GOLGA4: variants seen among roughly 807,000 people sequenced by gnomAD.
GOLGA4 encodes the protein golgin subfamily A member 4.
In GOLGA4, 169 loss-of-function variants were observed where a neutral mutation model predicts 265.9. The ratio of observed to expected loss-of-function variants is 0.64; its 90% CI spans 0.56 to 0.72. The LOEUF is 0.72. Ranked by LOEUF, GOLGA4 falls within the 30% of genes least tolerant of loss-of-function variation. The pLI is 0.00. For missense variants in GOLGA4, 2,482 were observed against 2,483.4 expected (o/e 1.00, Z 0.01); for synonymous variants, 923 against 855.8 (o/e 1.08, Z -1.37).
Position 37,299,338 on chromosome 3 carries a change from A to G in GOLGA4, c.1053A>G (p.Ala351=). Residue 351 remains alanine (A), a synonymous_variant, in exon 9 of 24, where the codon GCA becomes GCG. Coordinates refer to ENST00000361924, the MANE Select transcript of GOLGA4 (RefSeq NM_002078.5). ...KTKLITQLRD[A]KNLIEQLEQD... ...AACTTATCACTCAGTTGCGTGATGCAAAGAACTTAATTGAACAGCTTGAAC... is the reference window on the plus strand; with the variant it reads ...AACTTATCACTCAGTTGCGTGATGCGAAGAACTTAATTGAACAGCTTGAAC... The G allele has an allele frequency of 6.2e-7, 1 of 1,613,386 alleles. No individual in the cohort carries two copies. The highest frequency in any genetic ancestry group is 2.2e-5 in the East Asian group (1 of 44,850).
intron 1 of GOLGA4, chr3:37,250,669 G>A (rs2096731291): frequency 6.6e-6 from 1 of 152,074 alleles, no homozygotes; most frequent in South Asian, 2.1e-4. Context: ...ATTTTGCTGT[G>A]GGTGTAGGGG....
At chr3:37,294,307 A>G (rs2096872600) in intron 5 of GOLGA4, among the ~76,000 whole-genome samples, 1 of 152,152 alleles carries the variant, frequency 6.6e-6, no homozygotes, top group African/African-American at 2.4e-5. Flanking sequence ...GTATATAATA[A>G]TTTGGTGTTA....
At chr3:37,332,763 T>G (rs1422057932) in intron 16 of GOLGA4, among the ~76,000 whole-genome samples, 5 of 152,148 alleles carry the variant, frequency 3.3e-5, no homozygotes, top group African/African-American at 1.2e-4. Flanking sequence ...AAAAATGAAA[T>G]ATATTCTTAT....
intron 23 of GOLGA4, among the ~76,000 whole-genome samples, chr3:37,362,237 A>T (rs1336983790): frequency 1.4e-3 from 74 of 54,418 alleles, no homozygotes; most frequent in African/African-American, 3.5e-3. Context: ...TTATTTATTT[A>T]TTATTTTTTT....
Position 37,337,140 on chromosome 3 carries a change from C to T in GOLGA4, c.6307-3C>T. Reference sequence around the variant, plus strand: ...CTCATGTTTTTTCTTTCCATTTTTTCAGGTAACAATTATGGAGCTACAGGT... The same window carrying T: ...CTCATGTTTTTTCTTTCCATTTTTTTAGGTAACAATTATGGAGCTACAGGT... On this transcript the variant is annotated splice_polypyrimidine_tract_variant and splice_region_variant and intron_variant, in intron 17 of 23. Transcript: ENST00000361924. 1 of 1,440,696 alleles carries T rather than the reference C, an allele frequency of 6.9e-7. No individual in the cohort carries two copies. The highest frequency in any genetic ancestry group is 1.2e-5 in the South Asian group (1 of 84,416). 89.2% of individuals were successfully genotyped at this position (1,440,696 alleles called of 1,614,324 possible). A position where few individuals can be genotyped will look rare whatever the true frequency, so the allele number is the denominator to read the frequency against.
chr3:37,254,735 T>G (rs2096743701), intron 2 of GOLGA4, among the ~76,000 whole-genome samples: 1 of 151,352 alleles, frequency 6.6e-6, no homozygotes, highest in Non-Finnish European at 1.5e-5. Flanking sequence ...ATCTCTTGAC[T>G]TCGCGATCTG....
intron 16 of GOLGA4, among the ~76,000 whole-genome samples, chr3:37,331,950 G>A (rs569634482): frequency 4.7e-4 from 72 of 152,108 alleles, no homozygotes; most frequent in South Asian, 6.2e-4. Context: ...CATGTTGCTT[G>A]TTCCTCTCCT....
chr3:37,317,236 C>G (rs1473907420), intron 11 of GOLGA4, among the ~76,000 whole-genome samples: 2 of 152,074 alleles, frequency 1.3e-5, no homozygotes, highest in Non-Finnish European at 2.9e-5. Flanking sequence ...ATCTTGTGAT[C>G]TCGGTTCACT....
At chr3:37,251,907 C>G (rs2096735000) in intron 2 of GOLGA4, among the ~76,000 whole-genome samples, 2 of 152,152 alleles carry the variant, frequency 1.3e-5, no homozygotes, top group South Asian at 4.1e-4. Flanking sequence ...GTCTTGAACT[C>G]CTGGGCTCAA....
intron 16 of GOLGA4, among the ~76,000 whole-genome samples, chr3:37,332,550 A>G (rs1578749462): frequency 6.6e-6 from 1 of 152,194 alleles, no homozygotes; most frequent in African/African-American, 2.4e-5. Context: ...TTTTAAATTT[A>G]ATTTTTATTT....
chr3:37,334,890 A>AG (rs767581817), intron 16 of GOLGA4, among the ~76,000 whole-genome samples, 163 bp from the exon 17 acceptor site: 4 of 152,324 alleles, frequency 2.6e-5, no homozygotes, highest in Non-Finnish European at 5.9e-5. Context: ...ATGAATTAAA[A>AG]TAAAAACAGT....
Position 37,325,378 on chromosome 3 carries a change from A to G in GOLGA4, c.3492A>G (p.Ala1164=). The G allele has an allele frequency of 1.2e-6, 2 of 1,613,132 alleles. No homozygotes were observed. Among genetic ancestry groups the G allele is most frequent in the South Asian group, 1.1e-5 (1 of 90,808 alleles). The change falls in exon 14 of 24, where the codon GCA becomes GCG. Residue 1164 remains alanine, a synonymous_variant. Coordinates refer to ENST00000361924, the MANE Select transcript of GOLGA4 (RefSeq NM_002078.5). ...AGCTAGTTGAACTGAAGATGCTGGC[A>G]GAAGAAGATAAGCGGAAGGTTTCTG... ...QEQLVELKML[A]EEDKRKVSEL...
intron 12 of GOLGA4, chr3:37,320,052 A>G (rs1427580470): frequency 6.6e-6 from 1 of 151,354 alleles, no homozygotes; most frequent in Non-Finnish European, 1.5e-5. Context: ...AGTAATTTTT[A>G]TTTTAAGTGG....
chr3:37,252,019 T>G (rs976808972), intron 2 of GOLGA4, among the ~76,000 whole-genome samples: 4 of 152,252 alleles, frequency 2.6e-5, no homozygotes, highest in Admixed American at 2.6e-4. Context: ...CAGAATAATT[T>G]GATAAATTTG....
At chr3:37,328,871 T>A in intron 15 of GOLGA4, 92 bp from the exon 16 acceptor site, 1 of 1,035,498 alleles carries the variant, frequency 9.7e-7, no homozygotes, top group Non-Finnish European at 1.4e-6. Context: ...TCATCAAAAT[T>A]AATTGGAATG....
At chr3:37,320,636 A>G (rs959665958) in intron 12 of GOLGA4, among the ~76,000 whole-genome samples, 3 of 152,254 alleles carry the variant, frequency 2.0e-5, no homozygotes, top group Admixed American at 2.0e-4. Context: ...ACAGTACAAC[A>G]TAAATTAAAA....
intron 11 of GOLGA4, among the ~76,000 whole-genome samples, chr3:37,315,801 C>T (rs2150929644): frequency 6.6e-6 from 1 of 152,324 alleles, no homozygotes. Flanking sequence ...TTTGCTTTCT[C>T]TCCAGTGGAC....
At chr3:37,323,116 C>CTTTTTTTT (rs567838649) in intron 13 of GOLGA4, among the ~76,000 whole-genome samples, 16 of 114,134 alleles carry the variant, frequency 1.4e-4, no homozygotes, top group South Asian at 3.1e-4. Context: ...TTCCTTTTGT[C>CTTTTTTTT]TTTTTTTTTT....
Position 37,325,532 on chromosome 3 carries a change from C to T in GOLGA4, c.3646C>T (p.Gln1216Ter), listed in dbSNP as rs1210631056. The T allele has an allele frequency of 1.2e-6, 2 of 1,613,622 alleles. No individual in the cohort carries two copies. The highest frequency in any genetic ancestry group is 1.7e-6 in the Non-Finnish European group (2 of 1,179,764). ...AAAACTGTCTGAGGAACTAGCGATT[C>T]AGCTAGATATTTGCTGTAAGAAAAC... Reference protein sequence around the residue: ...FKKLSEELAIQLDICCKKTEA... With the variant: ...FKKLSEELAI Residue 1216 changes from glutamine (Q) to a stop codon, truncating the protein, a stop_gained, in exon 14 of 24, where the codon CAG becomes TAG. Coordinates refer to ENST00000361924, the MANE Select transcript of GOLGA4 (RefSeq NM_002078.5). LOFTEE classifies it high-confidence loss of function.
Sources: allele counts gnomAD v4.1 joint callset (sites outside exome capture counted in the v4.1 genomes callset), GRCh38; gene constraint gnomAD v4.1.1; transcripts MANE v1.5; gene names NCBI Gene and HGNC (gene_info 2026-07-23, HGNC 2026-07-21).